KCNIP3: variants seen among roughly 807,000 people sequenced by gnomAD.
KCNIP3 encodes the protein potassium voltage-gated channel interacting protein 3.
KCNIP3 carries 28 observed loss-of-function variants against 35.0 expected under a neutral mutation model. The observed-to-expected ratio is 0.80, with a 90% CI of 0.59 to 1.10. The LOEUF is 1.10. KCNIP3 is among the 50% of genes least tolerant of loss of function. The probability of loss-of-function intolerance (pLI) is 0.00; values close to 1 mark genes in which losing one functional copy is unlikely to be tolerated. For synonymous variants in KCNIP3, 134 were observed against 133.8 expected (o/e 1.00, Z -0.01); for missense variants, 295 against 338.4 (o/e 0.87, Z 1.01).
chr2:95,304,586 C>A (rs1212482911), intron 1 of KCNIP3, among the ~76,000 whole-genome samples: 7 of 152,206 alleles, frequency 4.6e-5, no homozygotes, highest in Admixed American at 2.6e-4. Flanking sequence ...TGTTGAATAA[C>A]AGGAGAACGC....
chr2:95,358,692 C>T (rs984035709), intron 2 of KCNIP3, among the ~76,000 whole-genome samples: 5 of 152,232 alleles, frequency 3.3e-5, no homozygotes, highest in Admixed American at 2.0e-4. Context: ...CATAACATGG[C>T]GGAAAGCATC....
chr2:95,347,501 C>T (rs1320559853), intron 2 of KCNIP3, among the ~76,000 whole-genome samples: 1 of 152,230 alleles, frequency 6.6e-6, no homozygotes, highest in Non-Finnish European at 1.5e-5. Context: ...TGGCAGCCGG[C>T]GGTGGGGAGA....
intron 2 of KCNIP3, among the ~76,000 whole-genome samples, chr2:95,330,010 C>T (rs919380152): frequency 2.0e-5 from 3 of 152,246 alleles, no homozygotes; most frequent in African/African-American, 7.2e-5. Flanking sequence ...GGCCTCCCTG[C>T]CCTGCCTCTG....
At chr2:95,317,828 A>T (rs1678496823) in intron 2 of KCNIP3, among the ~76,000 whole-genome samples, 1 of 152,172 alleles carries the variant, frequency 6.6e-6, no homozygotes, top group South Asian at 2.1e-4. Context: ...AGTCGGGCGG[A>T]TTAAGCCAGG....
Position 95,377,355 on chromosome 2 carries a change from A to T in KCNIP3, c.447+2147A>T, listed in dbSNP as rs184888416. On this transcript the variant is annotated intron_variant, in intron 5 of 8. Transcript: ENST00000295225. This position sits in a 1 kb window ranked among gnomAD's most constrained non-coding sequence, Gnocchi z 4.7. ...ACCTCCCCCGACAGTAAACTGCTCCATGTGCCAGTGGCCAAGCGGCATCCA... is the reference window on the plus strand; with the variant it reads ...ACCTCCCCCGACAGTAAACTGCTCCTTGTGCCAGTGGCCAAGCGGCATCCA... Among the ~76,000 whole-genome samples the T allele has an allele frequency of 1.3e-5, 2 of 152,332 alleles. No homozygotes were observed. The highest frequency in any genetic ancestry group is 4.8e-5 in the African/African-American group (2 of 41,578).
chr2:95,380,106 A>G (rs962545330), intron 5 of KCNIP3, among the ~76,000 whole-genome samples: 8 of 151,872 alleles, frequency 5.3e-5, no homozygotes, highest in African/African-American at 1.9e-4. Flanking sequence ...TATTCCAGCT[A>G]TTTGCCTTCT....
chr2:95,360,319 T>C (rs549727180), intron 2 of KCNIP3, among the ~76,000 whole-genome samples: 4 of 152,198 alleles, frequency 2.6e-5, no homozygotes, highest in Non-Finnish European at 5.9e-5. Context: ...TATTCCTCAA[T>C]TCCCTCTGAG....
intron 2 of KCNIP3, among the ~76,000 whole-genome samples, chr2:95,319,499 G>C (rs112999089): frequency 2.0e-5 from 3 of 152,202 alleles, no homozygotes; most frequent in Admixed American, 2.0e-4. Flanking sequence ...CCAGGCCCAG[G>C]GGGAGAGGAA....
intron 2 of KCNIP3, among the ~76,000 whole-genome samples, chr2:95,329,559 C>A (rs913531925): frequency 1.3e-5 from 2 of 152,246 alleles, no homozygotes; most frequent in Non-Finnish European, 2.9e-5. Context: ...TATCTGACTC[C>A]AGACCCCGTG....
At chr2:95,305,572 G>A (rs1390051335) in intron 1 of KCNIP3, among the ~76,000 whole-genome samples, 1 of 152,146 alleles carries the variant, frequency 6.6e-6, no homozygotes, top group Non-Finnish European at 1.5e-5. Context: ...GCACTCAACA[G>A]CACCATCAAG....
intron 6 of KCNIP3, 91 bp downstream of exon 6, chr2:95,381,794 C>T: frequency 3.4e-6 from 3 of 888,610 alleles, no homozygotes; most frequent in Non-Finnish European, 5.5e-6. Flanking sequence ...CTCCTGCTGC[C>T]CACCTGTCTT....
Position 95,382,367 on chromosome 2 carries a change from C to T in KCNIP3, c.556-10C>T, listed in dbSNP as rs1401778774. ...CCTTGCAGCAGGCTCATGCCAGCCT[C>T]CCCCTCCAGGAGATGCTGGCCATCA... On this transcript the variant is annotated splice_polypyrimidine_tract_variant and intron_variant, in intron 6 of 8. Transcript: ENST00000295225. This position sits in a 1 kb window ranked among gnomAD's most constrained non-coding sequence, Gnocchi z 4.5. 6.4e-7 allele frequency: 1 copy of T among 1,559,520 alleles called. No individual in the cohort carries two copies. Among genetic ancestry groups the T allele is most frequent in the Non-Finnish European group, 8.7e-7 (1 of 1,150,974 alleles).
chr2:95,383,736 C>G (rs1207189989), intron 8 of KCNIP3, among the ~76,000 whole-genome samples: 5 of 152,240 alleles, frequency 3.3e-5, no homozygotes, highest in Non-Finnish European at 5.9e-5. Flanking sequence ...GCGCCCACCT[C>G]CTCTGGAGGC....
intron 2 of KCNIP3, among the ~76,000 whole-genome samples, chr2:95,322,471 T>C (rs911360019): frequency 4.6e-5 from 7 of 152,192 alleles, no homozygotes; most frequent in Non-Finnish European, 1.0e-4. Flanking sequence ...GCTGTGACCC[T>C]GGACAAGTTG....
chr2:95,319,234 C>T (rs1367814444), intron 2 of KCNIP3, among the ~76,000 whole-genome samples: 1 of 152,218 alleles, frequency 6.6e-6, no homozygotes. Flanking sequence ...TGTGCGGAGG[C>T]TGGTGGAGCC....
At chr2:95,324,327 C>A (rs1430834481) in intron 2 of KCNIP3, among the ~76,000 whole-genome samples, 1 of 149,764 alleles carries the variant, frequency 6.7e-6, no homozygotes, top group African/African-American at 2.5e-5. Context: ...CTGGCTAACA[C>A]GGTGAAACCC....
At chr2:95,338,844 C>G (rs762759386) in intron 2 of KCNIP3, among the ~76,000 whole-genome samples, 2 of 152,196 alleles carry the variant, frequency 1.3e-5, no homozygotes, top group Non-Finnish European at 2.9e-5. Context: ...AAGCACCTAA[C>G]AGGTACTCGT....
Position 95,346,924 on chromosome 2 carries a change from G to C in KCNIP3, c.182-27372G>C, listed in dbSNP as rs1679385823. On this transcript the variant is annotated intron_variant, in intron 2 of 8. Transcript: ENST00000295225. ...GCATGTGAGCCGTCGCCGCCCCCGA[G>C]AGGCCGTGCGGGCTGCAGGGGCCCC... 6 of 645,386 alleles carry C rather than the reference G, an allele frequency of 9.3e-6. No individual in the cohort carries two copies. The South Asian group carries it at 1.3e-4, about 14-fold the overall frequency. 40.0% of individuals were successfully genotyped at this position (645,386 alleles called of 1,614,324 possible).
At chr2:95,379,658 T>C (rs1010926065) in intron 5 of KCNIP3, among the ~76,000 whole-genome samples, 1 of 152,244 alleles carries the variant, frequency 6.6e-6, no homozygotes, top group Admixed American at 6.5e-5. Flanking sequence ...TTTTTACTCT[T>C]GCTTGATCCA....
Sources: gnomAD v4.1 joint callset for allele counts (sites outside exome capture counted in the v4.1 genomes callset) on GRCh38, gnomAD v4.1.1 for gene constraint, Gnocchi (gnomAD v3.1) non-coding constraint, MANE v1.5 for transcripts, NCBI Gene and HGNC (gene_info 2026-07-23, HGNC 2026-07-21) for gene names.